COL5A2: variants seen among roughly 807,000 people sequenced by gnomAD.
COL5A2 encodes collagen type V alpha 2 chain.
In COL5A2, 23 loss-of-function variants were observed where a neutral mutation model predicts 208.2. The ratio of observed to expected loss-of-function variants is 0.11; its 90% confidence interval spans 0.08 to 0.16. The LOEUF (loss-of-function observed/expected upper bound fraction) is 0.16, where lower values mean the gene tolerates loss of function less well. Ranked by LOEUF, COL5A2 falls within the 10% of genes least tolerant of loss-of-function variation. The pLI is 1.00. For missense variants in COL5A2, 1,590 were observed against 1,956.4 expected (o/e 0.81, Z 3.53); for synonymous variants, 625 against 628.5 (o/e 0.99, Z 0.08).
At chr2:189,391,712 C>A in the COL5A2 span, among the ~76,000 whole-genome samples, 2 of 152,006 alleles carry the variant, frequency 1.3e-5, no homozygotes, top group Admixed American at 1.3e-4. Flanking sequence ...TTTAGGTATA[C>A]TTACATACTG....
intron 1 of COL5A2, among the ~76,000 whole-genome samples, chr2:189,145,881 T>C (rs1002363582): frequency 2.6e-5 from 4 of 152,094 alleles, no homozygotes; most frequent in East Asian, 1.9e-4. Context: ...GTTAAATTAT[T>C]AAATTTCCAA....
At chr2:189,034,430 C>G (rs1685401098) in intron 53 of COL5A2, among the ~76,000 whole-genome samples, 1 of 152,186 alleles carries the variant, frequency 6.6e-6, no homozygotes, top group African/African-American at 2.4e-5. Flanking sequence ...TCTTCTGCAG[C>G]TTCCCAAATG....
the COL5A2 span, among the ~76,000 whole-genome samples, chr2:189,314,902 A>T: frequency 3.7e-4 from 57 of 152,076 alleles, no homozygotes; most frequent in Non-Finnish European, 6.2e-4. Flanking sequence ...ATCCCTGAAC[A>T]GACTAATAAC....
intron 16 of COL5A2, among the ~76,000 whole-genome samples, chr2:189,077,005 A>G (rs1686419655): frequency 6.6e-6 from 1 of 152,114 alleles, no homozygotes; most frequent in African/African-American, 2.4e-5. Context: ...GTTCAAGGCT[A>G]CAGTGAGCTA....
the COL5A2 span, among the ~76,000 whole-genome samples, chr2:189,437,763 T>C: frequency 2.0e-5 from 3 of 152,130 alleles, no homozygotes; most frequent in South Asian, 2.1e-4. Flanking sequence ...TGAGGAAACA[T>C]AGCAGAGCCC....
chr2:189,169,274 G>A (rs1385348033), intron 1 of COL5A2, among the ~76,000 whole-genome samples: 1 of 152,174 alleles, frequency 6.6e-6, no homozygotes, highest in African/African-American at 2.4e-5. Context: ...ACTGGGGCAT[G>A]GAGTGGATCA....
At chr2:189,340,864 G>A in the COL5A2 span, among the ~76,000 whole-genome samples, 1 of 152,102 alleles carries the variant, frequency 6.6e-6, no homozygotes, top group Non-Finnish European at 1.5e-5. Flanking sequence ...TAATTAATAG[G>A]ATGTTTTCCA....
At chr2:189,114,975 C>G (rs1687359614) in intron 1 of COL5A2, among the ~76,000 whole-genome samples, 1 of 152,012 alleles carries the variant, frequency 6.6e-6, no homozygotes, top group African/African-American at 2.4e-5. Flanking sequence ...GTTTAACTTT[C>G]CTAAAATTGA....
chr2:189,199,745 T>C (rs1277352778), intron 1 of COL5A2, among the ~76,000 whole-genome samples: 1 of 152,188 alleles, frequency 6.6e-6, no homozygotes, highest in African/African-American at 2.4e-5. Flanking sequence ...TTTGTAAAAA[T>C]ACAGCGAAAC....
rs532636438 is a variant in COL5A2 at position 189,133,141 on chromosome 2, A to C, written c.98-22692T>G. 25 of 57,432 alleles carry C rather than the reference A, an allele frequency of 4.4e-4. No homozygotes were observed. The East Asian group carries it at 0.012, about 28-fold the overall frequency. 3.6% of individuals were successfully genotyped at this position (57,432 alleles called of 1,614,324 possible). ...TTTTTTTTTTTTTTTTTTTTTTTTG[A>C]GACCGAGTCTTGCTCTGTCGGCAGG... On this transcript the variant is annotated intron_variant, in intron 1 of 53. Transcript: ENST00000374866.
intron 50 of COL5A2, among the ~76,000 whole-genome samples, chr2:189,040,092 C>T (rs1685527276): frequency 6.6e-6 from 1 of 152,110 alleles, no homozygotes; most frequent in East Asian, 1.9e-4. Flanking sequence ...ACAGGAAGTC[C>T]TTTTATGTGC....
intron 1 of COL5A2, among the ~76,000 whole-genome samples, chr2:189,206,628 C>A (rs967700709): frequency 1.4e-4 from 22 of 152,292 alleles, no homozygotes; most frequent in Middle Eastern, 3.4e-3. Flanking sequence ...AAAGGAAAAT[C>A]TTTCCTTATT....
the COL5A2 span, among the ~76,000 whole-genome samples, chr2:189,296,537 G>A: frequency 8.5e-5 from 13 of 152,164 alleles, no homozygotes; most frequent in Admixed American, 2.0e-4. Flanking sequence ...ATTATAAATG[G>A]TAGAGGTCTT....
chr2:189,346,795 T>C, the COL5A2 span, among the ~76,000 whole-genome samples: 3 of 152,100 alleles, frequency 2.0e-5, no homozygotes, highest in South Asian at 6.2e-4. Context: ...AAGATGGGGA[T>C]AACAGGAGGA....
At chr2:189,433,628 C>T in the COL5A2 span, among the ~76,000 whole-genome samples, 1 of 152,066 alleles carries the variant, frequency 6.6e-6, no homozygotes, top group Non-Finnish European at 1.5e-5. Context: ...CAAGACTAAA[C>T]CAGGAAGAAG....
chr2:189,144,587 G>GA (rs1394987093), intron 1 of COL5A2, among the ~76,000 whole-genome samples: 1 of 151,430 alleles, frequency 6.6e-6, no homozygotes, highest in South Asian at 2.1e-4. Context: ...TTTCAAGACT[G>GA]AAAAAATCCA....
the COL5A2 span, among the ~76,000 whole-genome samples, chr2:189,290,662 TGGAG>T: frequency 6.6e-6 from 1 of 150,684 alleles, no homozygotes; most frequent in African/African-American, 2.4e-5. Flanking sequence ...GTTTACCTGA[TGGAG>T]GATTTACTGA....
chr2:189,170,585 G>C (rs969373275), intron 1 of COL5A2, among the ~76,000 whole-genome samples: 2 of 152,154 alleles, frequency 1.3e-5, no homozygotes, highest in Non-Finnish European at 2.9e-5. Flanking sequence ...TTAGATGTGG[G>C]AACAGTAAAA....
chr2:189,111,590 G>A (rs1687262644), intron 1 of COL5A2, among the ~76,000 whole-genome samples: 1 of 144,018 alleles, frequency 6.9e-6, no homozygotes, highest in Non-Finnish European at 1.5e-5. Context: ...GCAAAAATTA[G>A]ACTTCCTTTA....
Sources: allele counts gnomAD v4.1 joint callset (sites outside exome capture counted in the v4.1 genomes callset), GRCh38; gene constraint gnomAD v4.1.1; transcripts MANE v1.5; gene names NCBI Gene and HGNC (gene_info 2026-07-23, HGNC 2026-07-21).